The following TFR2 variants were observed in gnomAD, a reference collection of about 807,000 sequenced individuals.
TFR2 encodes transferrin receptor protein 2.
TFR2 carries 64 observed loss-of-function variants against 91.9 expected under a neutral mutation model. The ratio of observed to expected loss-of-function variants is 0.70; its 90% CI spans 0.57 to 0.86. The LOEUF (loss-of-function observed/expected upper bound fraction) is 0.86, where lower values mean the gene tolerates loss of function less well. TFR2 is among the 40% of genes least tolerant of loss of function. The pLI is 0.00. For synonymous variants in TFR2, 454 were observed against 459.6 expected, an observed-to-expected ratio of 0.99 and a Z score of 0.15; for missense variants, 950 against 1,080.5, an observed-to-expected ratio of 0.88 and a Z score of 1.69.
In TFR2 at chr7:100,629,321, G is replaced by C. The variant is rs757985211; in HGVS notation, c.1322C>G (p.Ala441Gly). The C allele has an allele frequency of 6.2e-7, 1 of 1,614,024 alleles. No homozygotes were observed. Among genetic ancestry groups the C allele is most frequent in the African/African-American group, 1.3e-5 (1 of 74,932 alleles). ...AQRDAWGPGA[A>G]KSAVGTAILL... Reference sequence around the variant, plus strand: ...TATAGCCGTCCCCACAGCGGATTTAGCTGCTCCTGGGCCCCATGCATCCCT... The same window carrying C: ...TATAGCCGTCCCCACAGCGGATTTACCTGCTCCTGGGCCCCATGCATCCCT... Residue 441 changes from alanine to glycine, a missense_variant, in exon 10 of 18, where the codon GCT (alanine) becomes GGT (glycine). Physicochemically the swap from Ala to Gly is moderately conservative, Grantham distance 60 (BLOSUM62 0). Transcript: ENST00000223051.
At position 100,626,899 on chromosome 7, in the gene TFR2, C is replaced by A; in HGVS notation, c.2000G>T (p.Arg667Leu). The A allele has an allele frequency of 6.5e-7, 1 of 1,537,986 alleles. No homozygotes were observed. Among genetic ancestry groups the A allele is most frequent in the South Asian group, 1.2e-5 (1 of 83,462 alleles). Residue 667 changes from arginine to leucine, a missense_variant, in exon 17 of 18, where the codon CGC becomes CTC. Transcript: ENST00000223051. ...GTACACCCACTGCAGGGTCAGCCCG[C>A]GGGCCTGGGGTGGGGAGGCGCGGGC... ...LNEFSGDLKA[R>L]GLTLQWVYSA... is the part of the protein sequence containing the mutation.
intron 17 of TFR2, among the ~76,000 whole-genome samples, chr7:100,622,612 C>T (rs189233983): frequency 1.3e-5 from 2 of 152,308 alleles, no homozygotes; most frequent in South Asian, 2.1e-4. Context: ...GCAACCTCAG[C>T]GCTGGGGGAA....
intron 1 of TFR2, 117 bp downstream of exon 1, chr7:100,641,360 G>A: frequency 7.1e-7 from 1 of 1,406,066 alleles, no homozygotes; most frequent in South Asian, 1.2e-5. Context: ...AGGGGCAGGG[G>A]TGGGAAGAAG....
chr7:100,628,325 G>A lies in TFR2; in HGVS notation c.1391-19C>T. On this transcript the variant is annotated intron_variant, in intron 10 of 17. Coordinates refer to ENST00000223051, the MANE Select transcript of TFR2 (RefSeq NM_003227.4). ...CGGAAGCCTGGGGACAGAGGGGAAG[G>A]AGGACAGGCTTAGCAGGGGCCAAGC... The A allele has an allele frequency of 6.2e-7, 1 of 1,613,640 alleles. No individual in the cohort carries two copies.
rs919699443 is a variant in TFR2 at position 100,620,623 on chromosome 7, C to G, written c.*234G>C. On this transcript the variant is annotated 3_prime_UTR_variant, in exon 18 of 18. Transcript: ENST00000223051. Reference sequence around the variant, plus strand: ...AGGGGCTGTGATTGAAGGGATGCTACTCTCTGATTAACCGACAGTATGACC... The same window carrying G: ...AGGGGCTGTGATTGAAGGGATGCTAGTCTCTGATTAACCGACAGTATGACC... 3 of 545,644 alleles carry G rather than the reference C, an allele frequency of 5.5e-6. No individual in the cohort carries two copies. The highest frequency in any genetic ancestry group is 9.8e-6 in the Non-Finnish European group (3 of 306,920). The allele number at this position is 545,644 out of a possible 1,614,324, so 33.8% of individuals were successfully genotyped here.
chr7:100,622,104 G>A (rs1803127708), intron 17 of TFR2, among the ~76,000 whole-genome samples: 1 of 152,148 alleles, frequency 6.6e-6, no homozygotes, highest in Non-Finnish European at 1.5e-5. Flanking sequence ...ACAGCTCACT[G>A]CAACCCAAAC....
chr7:100,639,826 C>A (rs1803657143), intron 3 of TFR2: 1 of 149,106 alleles, frequency 6.7e-6, no homozygotes, highest in African/African-American at 2.5e-5. Context: ...GCTCTGTTGC[C>A]CAGGCTGAAG....
intron 17 of TFR2, chr7:100,626,527 G>A (rs1252414505): frequency 8.7e-6 from 12 of 1,374,486 alleles, no homozygotes; most frequent in Non-Finnish European, 7.5e-6. Flanking sequence ...TAAACCAGGC[G>A]ACTGTGGCCA....
chr7:100,639,118 T>C (rs1803638117), intron 3 of TFR2, among the ~76,000 whole-genome samples: 1 of 152,192 alleles, frequency 6.6e-6, no homozygotes, highest in Non-Finnish European at 1.5e-5. Context: ...TCCCAGCACT[T>C]TGGGAAGCCG....
chr7:100,638,294 T>A (rs1803617882), intron 3 of TFR2, among the ~76,000 whole-genome samples: 1 of 148,758 alleles, frequency 6.7e-6, no homozygotes, highest in African/African-American at 2.5e-5. Flanking sequence ...TGAGCCACCA[T>A]GCCTGACCTG....
At position 100,631,814 on chromosome 7, in the gene TFR2, G is replaced by A. The variant is rs752887870; in HGVS notation, c.1098C>T (p.Arg366=). ...AQPISADIAS[R]LLRKLKGPVA... is the part of the protein sequence containing the mutation. ...CCCAACACTCCCCTCACCTCAGCAG[G>A]CGGGAGGCAATGTCTGCACTGATGG... Residue 366 remains arginine (R), a synonymous_variant, in exon 8 of 18, where the codon CGC becomes CGT. Transcript: ENST00000223051. 3 of 1,612,428 alleles carry A rather than the reference G, an allele frequency of 1.9e-6. No individual in the cohort carries two copies. Among genetic ancestry groups the A allele is most frequent in the East Asian group, 2.2e-5 (1 of 44,786 alleles).
chr7:100,629,719 G>A (rs1392886199), intron 9 of TFR2, among the ~76,000 whole-genome samples: 2 of 151,692 alleles, frequency 1.3e-5, no homozygotes, highest in Non-Finnish European at 2.9e-5. Context: ...CACCATGCTC[G>A]GCTAATTTCT....
rs769833538 is a variant in TFR2, at chr7:100,631,896, T to C, written c.1016A>G (p.Asn339Ser). The C allele has an allele frequency of 9.3e-6, 15 of 1,613,746 alleles. No individual in the cohort carries two copies. The East Asian group carries it at 1.1e-4, about 12-fold the overall frequency. ...DPYTPGFPSFNQTQFPPVASS... is the reference protein window; with the variant it reads ...DPYTPGFPSFSQTQFPPVASS... ...TGCAACTGGAGGGAACTGGGTTTGA[T>C]TGAAGGAAGGGAAGCCAGGTGTGTA... Residue 339 changes from asparagine (N) to serine (S), a missense_variant, in exon 8 of 18, where the codon AAT (asparagine) becomes AGT (serine). Asn to Ser is a conservative substitution (Grantham distance 46). Transcript: ENST00000223051.
chr7:100,633,698 CTTTTTTTTTT>C lies in TFR2; in HGVS notation c.474-152_474-143del, dbSNP rs397890558. The C allele has an allele frequency of 1.4e-3, 306 of 215,816 alleles. 1 individual carries two copies. Among genetic ancestry groups the C allele is most frequent in the Middle Eastern group, 5.3e-3 (3 of 570 alleles). The allele number at this position is 215,816 out of a possible 1,614,324, so 13.4% of individuals were successfully genotyped here. On this transcript the variant is annotated intron_variant, in intron 3 of 17. Coordinates refer to ENST00000223051, the MANE Select transcript of TFR2 (RefSeq NM_003227.4). ...AGGAAAAGAGCGCTCCCCGCGGACG[CTTTTTTTTTT>C]TTTTTTTTTTTTTTTTTTGAGACGG...
intron 17 of TFR2, among the ~76,000 whole-genome samples, chr7:100,622,529 T>C (rs1803138072): frequency 1.3e-5 from 2 of 152,328 alleles, no homozygotes; most frequent in South Asian, 4.1e-4. Context: ...TTTCGGCTCT[T>C]CCACTTACTA....
rs1803500473 is a variant in TFR2 at position 100,633,217 on chromosome 7, G to A, written c.726+12C>T. The A allele has an allele frequency of 1.2e-6, 2 of 1,613,608 alleles. No homozygotes were observed. The highest frequency in any genetic ancestry group is 2.7e-5 in the African/African-American group (2 of 75,052). ...CCGCGCCCCATCCTAGGAGCGGGCA[G>A]GGGGTGCTCACCGTGACGTTGCCGA... is the stretch of plus-strand genomic sequence containing the variant. On this transcript the variant is annotated intron_variant, in intron 5 of 17. Transcript: ENST00000223051.
In TFR2 at chr7:100,632,139, G is replaced by C. The variant is rs763080314; in HGVS notation, c.909C>G (p.Asp303Glu). Residue 303 changes from aspartate (D) to glutamate (E), a missense_variant, in exon 7 of 18, where the codon GAC (aspartate) becomes GAG (glutamate). Asp to Glu is a conservative substitution (Grantham distance 45). Coordinates refer to ENST00000223051, the MANE Select transcript of TFR2 (RefSeq NM_003227.4). ...TTGGCTTGGGTGGGTCCTGGGAGAA[G>C]TCCGCTGGCTCTGGGTATATGAGCA... ...QGVLIYPEPA[D>E]FSQDPPKPSL... is the part of the protein sequence containing the mutation. 1.9e-6 allele frequency: 3 copies of C among 1,614,132 alleles called. No homozygotes were observed. Among genetic ancestry groups the C allele is most frequent in the East Asian group, 4.5e-5 (2 of 44,878 alleles).
intron 6 of TFR2, chr7:100,632,756 TTTTA>T: frequency 2.5e-6 from 1 of 396,252 alleles, no homozygotes. Context: ...TTTTTTTTTT[TTTTA>T]GTAGAGAGGG....
intron 17 of TFR2, chr7:100,626,517 T>G: frequency 7.4e-7 from 1 of 1,358,194 alleles, no homozygotes; most frequent in Non-Finnish European, 9.5e-7. Flanking sequence ...CTGCCAGGCG[T>G]AAACCAGGCG....
Sources: allele counts gnomAD v4.1 joint callset (sites outside exome capture counted in the v4.1 genomes callset), GRCh38; gene constraint gnomAD v4.1.1; transcripts MANE v1.5; gene names NCBI Gene and HGNC (gene_info 2026-07-23, HGNC 2026-07-21).